ADGRB3: variants seen among roughly 807,000 people sequenced by gnomAD.
ADGRB3 encodes adhesion G protein-coupled receptor B3, also known as brain-specific angiogenesis inhibitor 3.
A neutral mutation model predicts 193.4 loss-of-function variants in ADGRB3; 37 were observed. That is an observed-to-expected ratio of 0.19 (90% CI 0.15 to 0.25). The LOEUF is 0.25. Among genes scored for constraint, ADGRB3 ranks in the 10% least tolerant of loss-of-function variants. The pLI is 1.00. For synonymous variants in ADGRB3, 690 were observed against 644.2 expected, an observed-to-expected ratio of 1.07 and a Z score of -1.08; for missense variants, 1,637 against 1,852.9, an observed-to-expected ratio of 0.88 and a Z score of 2.14.
At chr6:69,034,948 A>G (rs956820171) in intron 13 of ADGRB3, among the ~76,000 whole-genome samples, 4 of 152,044 alleles carry the variant, frequency 2.6e-5, no homozygotes, top group Non-Finnish European at 5.9e-5. Context: ...AATAATCCAA[A>G]GACCAAAATT....
intron 17 of ADGRB3, among the ~76,000 whole-genome samples, chr6:69,143,334 T>C (rs1483630968): frequency 6.6e-6 from 1 of 152,190 alleles, no homozygotes; most frequent in African/African-American, 2.4e-5. Flanking sequence ...ATTCTTTGGG[T>C]TGTCTCTTCA....
At chr6:69,111,426 A>G (rs1487051105) in intron 17 of ADGRB3, among the ~76,000 whole-genome samples, 1 of 152,148 alleles carries the variant, frequency 6.6e-6, no homozygotes, top group African/African-American at 2.4e-5. Context: ...TTTTGTGGCC[A>G]TGAATAAGAC....
chr6:69,093,200 G>A (rs1407268490), intron 17 of ADGRB3, among the ~76,000 whole-genome samples: 1 of 150,078 alleles, frequency 6.7e-6, no homozygotes, highest in Non-Finnish European at 1.5e-5. Flanking sequence ...GAGAAGGGTG[G>A]GCAAAACAGG....
intron 3 of ADGRB3, among the ~76,000 whole-genome samples, chr6:68,672,917 G>C (rs539311132): frequency 2.0e-5 from 3 of 152,168 alleles, no homozygotes; most frequent in Admixed American, 6.5e-5. Flanking sequence ...CTTTGAACTG[G>C]AGCTGCAATA....
chr6:69,307,235 T>G (rs900141407), intron 20 of ADGRB3, among the ~76,000 whole-genome samples: 3 of 151,546 alleles, frequency 2.0e-5, no homozygotes, highest in African/African-American at 7.3e-5. Context: ...TTGTCTTCTA[T>G]AAAGTTATAG....
chr6:68,862,522 C>A (rs1230392602), intron 3 of ADGRB3, among the ~76,000 whole-genome samples: 1 of 152,134 alleles, frequency 6.6e-6, no homozygotes, highest in Non-Finnish European at 1.5e-5. Flanking sequence ...GAAGAAGGTA[C>A]TATATTTTAC....
In ADGRB3 at chr6:69,076,039, G is replaced by A; in HGVS notation, c.2480+1G>A. The A allele has an allele frequency of 6.2e-7, 1 of 1,610,644 alleles. No homozygotes were observed. Among genetic ancestry groups the A allele is most frequent in the Non-Finnish European group, 8.5e-7 (1 of 1,178,188 alleles). On this transcript the variant is annotated splice_donor_variant, in intron 17 of 31. Coordinates refer to ENST00000370598, the MANE Select transcript of ADGRB3 (RefSeq NM_001704.3). LOFTEE classifies it high-confidence loss of function. ...GTGTATTGTGGGATGACTCCAAAAC[G>A]TAAGTGACAGATGTTTTCCTACATT...
At chr6:69,232,328 T>C (rs1263833312) in intron 17 of ADGRB3, 2 of 1,136,546 alleles carry the variant, frequency 1.8e-6, no homozygotes, top group Admixed American at 3.2e-5. Flanking sequence ...GTGGAAGGGT[T>C]CTCCCCCATC....
At chr6:68,824,929 C>A (rs1320881850) in intron 3 of ADGRB3, among the ~76,000 whole-genome samples, 1 of 152,074 alleles carries the variant, frequency 6.6e-6, no homozygotes, top group African/African-American at 2.4e-5. Context: ...ATCTCCCTCA[C>A]GGCAACCTCC....
intron 17 of ADGRB3, among the ~76,000 whole-genome samples, chr6:69,223,167 A>G (rs561749788): frequency 6.6e-6 from 1 of 152,324 alleles, no homozygotes; most frequent in South Asian, 2.1e-4. Context: ...ATATCGTTTC[A>G]CTCAAATAGC....
chr6:68,837,103 A>G (rs941753448), intron 3 of ADGRB3, among the ~76,000 whole-genome samples: 10 of 152,204 alleles, frequency 6.6e-5, no homozygotes, highest in Admixed American at 3.9e-4. Context: ...AGAAAGAAAT[A>G]TATTAATTTA....
intron 13 of ADGRB3, among the ~76,000 whole-genome samples, chr6:69,045,445 A>G (rs760606141): frequency 1.2e-4 from 19 of 152,254 alleles, no homozygotes; most frequent in South Asian, 4.1e-4. Context: ...TATACTTTTC[A>G]TAATGGATTT....
chr6:69,153,195 ATAGTAT>A (rs1774728602), intron 17 of ADGRB3, among the ~76,000 whole-genome samples: 1 of 152,196 alleles, frequency 6.6e-6, no homozygotes, highest in Non-Finnish European at 1.5e-5. Flanking sequence ...TTTAGAGAAC[ATAGTAT>A]TAGGGCAGAG....
chr6:68,694,546 A>G (rs180902491), intron 3 of ADGRB3, among the ~76,000 whole-genome samples: 1 of 152,066 alleles, frequency 6.6e-6, no homozygotes, highest in East Asian at 1.9e-4. Context: ...CTACACACAC[A>G]GATGTCTGCT....
intron 20 of ADGRB3, among the ~76,000 whole-genome samples, chr6:69,287,539 A>G (rs1393782047): frequency 6.6e-6 from 1 of 152,202 alleles, no homozygotes; most frequent in African/African-American, 2.4e-5. Context: ...ATCTTCACAA[A>G]TATTGATTTA....
At chr6:69,134,221 C>T (rs1324020399) in intron 17 of ADGRB3, among the ~76,000 whole-genome samples, 1 of 152,074 alleles carries the variant, frequency 6.6e-6, no homozygotes, top group Non-Finnish European at 1.5e-5. Flanking sequence ...CCACTCCATT[C>T]TTCCTCCCTT....
chr6:68,748,230 A>C (rs533351986), intron 3 of ADGRB3, among the ~76,000 whole-genome samples: 2 of 152,148 alleles, frequency 1.3e-5, no homozygotes, highest in Non-Finnish European at 2.9e-5. Flanking sequence ...CCTTCCCAAC[A>C]GTCCCATAAA....
intron 10 of ADGRB3, among the ~76,000 whole-genome samples, chr6:68,986,380 T>C (rs1769077716): frequency 6.6e-6 from 1 of 152,218 alleles, no homozygotes; most frequent in African/African-American, 2.4e-5. Flanking sequence ...AGTGAAATTC[T>C]GGACCAAATC....
At chr6:69,072,379 T>C (rs1242369485) in intron 16 of ADGRB3, among the ~76,000 whole-genome samples, 1 of 152,094 alleles carries the variant, frequency 6.6e-6, no homozygotes, top group Admixed American at 6.5e-5. Context: ...GTGAAGAACA[T>C]GGAGAATAAA....
Sources: allele counts gnomAD v4.1 joint callset (sites outside exome capture counted in the v4.1 genomes callset), GRCh38; gene constraint gnomAD v4.1.1; transcripts MANE v1.5; gene names NCBI Gene and HGNC (gene_info 2026-07-23, HGNC 2026-07-21).